The following SRPK2 variants were observed in gnomAD, a reference collection of about 807,000 sequenced individuals.
The protein encoded by SRPK2 is SFRS protein kinase 2.
In SRPK2, 21 loss-of-function variants were observed where a neutral mutation model predicts 90.8. That is an observed-to-expected ratio of 0.23 (90% CI 0.16 to 0.33). The LOEUF (loss-of-function observed/expected upper bound fraction) is 0.33, where lower values mean the gene tolerates loss of function less well. SRPK2 is among the 10% of genes least tolerant of loss of function. The probability of loss-of-function intolerance (pLI) is 1.00; values close to 1 mark genes in which losing one functional copy is unlikely to be tolerated. For synonymous variants in SRPK2, 288 were observed against 311.1 expected, an observed-to-expected ratio of 0.93 and a Z score of 0.78; for missense variants, 620 against 869.0, an observed-to-expected ratio of 0.71 and a Z score of 3.60.
At chr7:105,322,004 G>A (rs2131556454) in intron 2 of SRPK2, among the ~76,000 whole-genome samples, 1 of 152,314 alleles carries the variant, frequency 6.6e-6, no homozygotes, top group East Asian at 1.9e-4. Flanking sequence ...CATGATCACA[G>A]CAGCATTATC....
intron 2 of SRPK2, among the ~76,000 whole-genome samples, chr7:105,263,024 T>G (rs1277101351): frequency 6.6e-6 from 1 of 151,934 alleles, no homozygotes; most frequent in African/African-American, 2.4e-5. Context: ...CCAAAAGACA[T>G]GTATGGAAAT....
intron 11 of SRPK2, among the ~76,000 whole-genome samples, chr7:105,133,605 A>G (rs961259497): frequency 1.3e-5 from 2 of 152,200 alleles, no homozygotes; most frequent in Non-Finnish European, 2.9e-5. Flanking sequence ...CCTCACACCC[A>G]CATCATCCCC....
chr7:105,332,776 A>G (rs1464078441), intron 2 of SRPK2: 1 of 151,880 alleles, frequency 6.6e-6, no homozygotes, highest in Non-Finnish European at 1.5e-5. Context: ...AAAAAAAAAA[A>G]CAACAAAAAG....
At chr7:105,317,187 C>T (rs142661575) in intron 2 of SRPK2, among the ~76,000 whole-genome samples, 8 of 152,256 alleles carry the variant, frequency 5.3e-5, no homozygotes, top group East Asian at 1.9e-4. Flanking sequence ...TTTGCACTGA[C>T]GACATAAAAA....
At chr7:105,187,873 G>A (rs1020996701) in intron 3 of SRPK2, among the ~76,000 whole-genome samples, 4 of 152,130 alleles carry the variant, frequency 2.6e-5, no homozygotes, top group African/African-American at 9.7e-5. Flanking sequence ...AAGCAAGTAA[G>A]TCACAAGAAA....
intron 2 of SRPK2, among the ~76,000 whole-genome samples, chr7:105,228,099 T>C (rs776724308): frequency 2.6e-5 from 4 of 152,202 alleles, no homozygotes; most frequent in Non-Finnish European, 4.4e-5. Context: ...TGGATTGCAG[T>C]GATGCAATCT....
chr7:105,252,062 A>C (rs1311056683), intron 2 of SRPK2, among the ~76,000 whole-genome samples: 2 of 152,238 alleles, frequency 1.3e-5, no homozygotes, highest in African/African-American at 4.8e-5. Flanking sequence ...TGTTAGTAGA[A>C]CATTAAAAAG....
At chr7:105,363,090 G>C (rs1327714325) in intron 2 of SRPK2, among the ~76,000 whole-genome samples, 1 of 152,082 alleles carries the variant, frequency 6.6e-6, no homozygotes, top group Non-Finnish European at 1.5e-5. Flanking sequence ...TAATGTAAAT[G>C]ATGAGTTAAC....
At chr7:105,225,564 A>G (rs1450129824) in intron 2 of SRPK2, among the ~76,000 whole-genome samples, 2 of 152,230 alleles carry the variant, frequency 1.3e-5, no homozygotes, top group Non-Finnish European at 2.9e-5. Flanking sequence ...CTATATTTTT[A>G]GTCAGATCAT....
chr7:105,377,106 G>T (rs1820399787), intron 2 of SRPK2, among the ~76,000 whole-genome samples: 1 of 152,040 alleles, frequency 6.6e-6, no homozygotes, highest in Admixed American at 6.6e-5. Context: ...CATCTCACTT[G>T]AATTTTATCT....
chr7:105,223,075 C>A (rs1347185648), intron 2 of SRPK2, among the ~76,000 whole-genome samples: 3 of 152,238 alleles, frequency 2.0e-5, no homozygotes, highest in African/African-American at 7.2e-5. Flanking sequence ...CAGCTGACCA[C>A]TGAGCGCATA....
At chr7:105,360,700 G>A (rs1055365623) in intron 2 of SRPK2, among the ~76,000 whole-genome samples, 1 of 152,186 alleles carries the variant, frequency 6.6e-6, no homozygotes, top group Admixed American at 6.5e-5. Context: ...GGCCCCCACT[G>A]TCTTCTGACT....
At chr7:105,291,607 A>G (rs1370354891) in intron 2 of SRPK2, among the ~76,000 whole-genome samples, 4 of 152,018 alleles carry the variant, frequency 2.6e-5, no homozygotes, top group African/African-American at 4.8e-5. Context: ...GCGCACGCCT[A>G]TAGTCCCAGC....
intron 7 of SRPK2, chr7:105,160,266 ACAGG>A (rs1807398710): frequency 3.3e-6 from 1 of 300,968 alleles, no homozygotes; most frequent in East Asian, 5.5e-5. Flanking sequence ...AAAAAAAACG[ACAGG>A]CAAAAAACGT....
intron 11 of SRPK2, among the ~76,000 whole-genome samples, chr7:105,135,154 A>C (rs1278825841): frequency 6.6e-6 from 1 of 152,236 alleles, no homozygotes; most frequent in Non-Finnish European, 1.5e-5. Flanking sequence ...ATCAGCAAGA[A>C]GGAAAATGGA....
chr7:105,214,934 A>G (rs529255088), intron 2 of SRPK2, among the ~76,000 whole-genome samples: 2 of 152,344 alleles, frequency 1.3e-5, no homozygotes, highest in East Asian at 1.9e-4. Flanking sequence ...GCACTTTCCA[A>G]TTTCAAAACT....
intron 2 of SRPK2, among the ~76,000 whole-genome samples, chr7:105,318,292 A>G (rs550871211): frequency 2.6e-5 from 4 of 151,986 alleles, no homozygotes; most frequent in Admixed American, 6.5e-5. Context: ...GCAGGGTTTC[A>G]GCATGTTGGC....
At chr7:105,296,370 GATAA>G (rs376109763) in intron 2 of SRPK2, among the ~76,000 whole-genome samples, 12 of 152,274 alleles carry the variant, frequency 7.9e-5, no homozygotes, top group African/African-American at 2.4e-4. Flanking sequence ...TAACTTAGGA[GATAA>G]ATAGTTTTGA....
intron 2 of SRPK2, among the ~76,000 whole-genome samples, chr7:105,257,671 C>T (rs1371592168): frequency 6.6e-6 from 1 of 151,984 alleles, no homozygotes; most frequent in Non-Finnish European, 1.5e-5. Flanking sequence ...ACAACAGAAT[C>T]TAGACAGGGT....
Sources: gnomAD v4.1 joint callset for allele counts (sites outside exome capture counted in the v4.1 genomes callset) on GRCh38, gnomAD v4.1.1 for gene constraint, MANE v1.5 for transcripts, NCBI Gene and HGNC (gene_info 2026-07-23, HGNC 2026-07-21) for gene names.